RABGAP1L: variants seen among roughly 807,000 people sequenced by gnomAD.
RABGAP1L encodes RAB GTPase activating protein 1 like, also known as rab GTPase-activating protein 1-like.
In RABGAP1L, 63 loss-of-function variants were observed where a neutral mutation model predicts 137.7. The ratio of observed to expected loss-of-function variants is 0.46; its 90% CI spans 0.37 to 0.56. The LOEUF (loss-of-function observed/expected upper bound fraction) is 0.56. Ranked by LOEUF, RABGAP1L falls within the 20% of genes least tolerant of loss-of-function variation. RABGAP1L has a pLI of 0.00. For missense variants in RABGAP1L, 1,095 were observed against 1,244.0 expected (o/e 0.88, Z 1.80); for synonymous variants, 431 against 433.7 (o/e 0.99, Z 0.08).
At chr1:174,699,361 A>G (rs1260968712) in intron 15 of RABGAP1L, among the ~76,000 whole-genome samples, 164 bp from the exon 16 acceptor site, 3 of 152,188 alleles carry the variant, frequency 2.0e-5, no homozygotes, top group Non-Finnish European at 4.4e-5. Context: ...AATTCATCTC[A>G]AGTAAGGAGG....
intron 22 of RABGAP1L, among the ~76,000 whole-genome samples, chr1:174,978,224 T>C (rs891138172): frequency 6.6e-5 from 10 of 152,226 alleles, no homozygotes; most frequent in African/African-American, 2.4e-4. Context: ...TTTCAGTGAC[T>C]GTAACAGGTA....
In RABGAP1L at chr1:174,274,644, G is replaced by T. The variant is rs1431163229; in HGVS notation, c.1054-1189G>T. The stretch of plus-strand genomic sequence containing the variant: ...TGTGTGTGTGTGTGTGTGTGTAGAG[G>T]AGAGAAAGAGACCATTATCATATGA... On this transcript the variant is annotated intron_variant, in intron 8 of 25. Transcript: ENST00000681986. Among the ~76,000 whole-genome samples, 3 of 149,672 alleles carry T rather than the reference G, an allele frequency of 2.0e-5. No homozygotes were observed. In the East Asian group the frequency reaches 6.1e-4, roughly 30 times the overall value.
chr1:174,167,921 T>G (rs1665040365), intron 1 of RABGAP1L, among the ~76,000 whole-genome samples: 1 of 152,030 alleles, frequency 6.6e-6, no homozygotes, highest in Non-Finnish European at 1.5e-5. Flanking sequence ...GTTAGAATGG[T>G]TATTAGGTGT....
intron 13 of RABGAP1L, among the ~76,000 whole-genome samples, chr1:174,581,335 T>C (rs1410138333): frequency 1.3e-5 from 2 of 152,144 alleles, no homozygotes; most frequent in Non-Finnish European, 2.9e-5. Flanking sequence ...GTTATAGTCA[T>C]ATGAGGAATA....
At chr1:174,194,236 T>C (rs768149369) in intron 1 of RABGAP1L, among the ~76,000 whole-genome samples, 1 of 94,390 alleles carries the variant, frequency 1.1e-5, no homozygotes, top group Non-Finnish European at 1.8e-5. Flanking sequence ...CAGTTAATTC[T>C]TTTTTTTTTT....
intron 13 of RABGAP1L, among the ~76,000 whole-genome samples, chr1:174,437,481 G>A (rs1004187593): frequency 6.6e-5 from 10 of 152,118 alleles, no homozygotes; most frequent in South Asian, 2.1e-4. Context: ...GATGGAAGAC[G>A]AAATGAATAA....
chr1:174,326,482 G>A (rs993842071), intron 11 of RABGAP1L, among the ~76,000 whole-genome samples: 30 of 152,142 alleles, frequency 2.0e-4, no homozygotes, highest in African/African-American at 7.0e-4. Context: ...TCGAAGACAG[G>A]CTCTTCAAAA....
chr1:174,168,090 C>T (rs1424865548), intron 1 of RABGAP1L, among the ~76,000 whole-genome samples: 1 of 151,824 alleles, frequency 6.6e-6, no homozygotes, highest in Non-Finnish European at 1.5e-5. Context: ...GATGGTGAAA[C>T]CCCACCTCTG....
At chr1:174,888,049 A>T (rs1439844133) in intron 19 of RABGAP1L, among the ~76,000 whole-genome samples, 1 of 152,144 alleles carries the variant, frequency 6.6e-6, no homozygotes, top group Non-Finnish European at 1.5e-5. Context: ...AAGAAAAAAA[A>T]AATACGATTA....
In RABGAP1L at chr1:174,686,402, C is replaced by T. The variant is rs992160952; in HGVS notation, c.1899+2806C>T. Reference sequence around the variant, plus strand: ...TTCTCTACATCTCACCTTTTTGGGACTTCCTGTGATGACCAGTTACTTTAT... The same window carrying T: ...TTCTCTACATCTCACCTTTTTGGGATTTCCTGTGATGACCAGTTACTTTAT... On this transcript the variant is annotated intron_variant, in intron 15 of 25. Transcript: ENST00000681986. Among the ~76,000 whole-genome samples, 89 of 152,008 alleles carry T rather than the reference C, an allele frequency of 5.9e-4. 1 individual carries two copies. The highest frequency in any genetic ancestry group is 2.4e-4 in the Non-Finnish European group (16 of 68,016).
rs561984699 is a variant in RABGAP1L at position 174,895,900 on chromosome 1, CA to C, written c.2341-61556del. ...CTATTGTGAATAGTGCCACAGTAAACATATGTGTGCATGTGTCTTGATAGCA... is the reference window on the plus strand; with the variant it reads ...CTATTGTGAATAGTGCCACAGTAAACTATGTGTGCATGTGTCTTGATAGCA... On this transcript the variant is annotated intron_variant, in intron 19 of 25. Transcript: ENST00000681986. 3.3e-5 allele frequency among the ~76,000 whole-genome samples: 5 copies of C among 152,274 alleles called. No individual in the cohort carries two copies. In the South Asian group the frequency reaches 1.0e-3, roughly 32 times the overall value.
Position 174,902,035 on chromosome 1 carries a change from A to G in RABGAP1L, c.2341-55422A>G, listed in dbSNP as rs370884589. Among the ~76,000 whole-genome samples, 24 of 152,244 alleles carry G rather than the reference A, an allele frequency of 1.6e-4. 2 individuals carry two copies. Among genetic ancestry groups the G allele is most frequent in the African/African-American group, 5.3e-4 (22 of 41,538 alleles). The stretch of plus-strand genomic sequence containing the variant: ...ACCAGTGTAGGCTGAGAAAAAGCAA[A>G]GGTGGCAGCTAGCTCCTTCCACTGG... On this transcript the variant is annotated intron_variant, in intron 19 of 25. Transcript: ENST00000681986.
intron 7 of RABGAP1L, among the ~76,000 whole-genome samples, chr1:174,266,490 A>C (rs1179330129): frequency 6.6e-6 from 1 of 152,170 alleles, no homozygotes; most frequent in Non-Finnish European, 1.5e-5. Flanking sequence ...TATGGTATAC[A>C]TTATTTTCTC....
intron 21 of RABGAP1L, among the ~76,000 whole-genome samples, chr1:174,974,421 GTTTA>G (rs1240690804): frequency 6.6e-6 from 1 of 152,070 alleles, no homozygotes; most frequent in African/African-American, 2.4e-5. Context: ...TGCTTCCATG[GTTTA>G]TTTATTTTTC....
At chr1:174,744,268 A>C (rs969875800) in intron 17 of RABGAP1L, among the ~76,000 whole-genome samples, 1 of 152,182 alleles carries the variant, frequency 6.6e-6, no homozygotes, top group Non-Finnish European at 1.5e-5. Context: ...TGAGAAGCAG[A>C]ATAAAGTAAA....
intron 17 of RABGAP1L, among the ~76,000 whole-genome samples, chr1:174,703,651 T>C (rs550748158): frequency 1.3e-5 from 2 of 152,326 alleles, no homozygotes; most frequent in Non-Finnish European, 2.9e-5. Flanking sequence ...TTTAATTCTT[T>C]GAGAAATTTC....
Position 174,651,369 on chromosome 1 carries a change from A to G in RABGAP1L, c.1824+13881A>G, listed in dbSNP as rs542819230. 1.1e-3 allele frequency among the ~76,000 whole-genome samples: 173 copies of G among 152,314 alleles called. 1 individual carries two copies. The South Asian group carries it at 0.013, about 11-fold the overall frequency. On this transcript the variant is annotated intron_variant, in intron 14 of 25. Transcript: ENST00000681986. ...ATTAGGTCTGCTTGGTGCAGAGCTC[A>G]GTTCAATTCCCAGGTATCCTTGTTA...
intron 19 of RABGAP1L, among the ~76,000 whole-genome samples, chr1:174,891,227 G>A (rs892744894): frequency 6.6e-6 from 1 of 152,170 alleles, no homozygotes. Context: ...TGAGAGGCAC[G>A]GGATAGAAAG....
intron 17 of RABGAP1L, among the ~76,000 whole-genome samples, chr1:174,744,098 A>AG (rs1683678571): frequency 6.7e-6 from 1 of 148,288 alleles, no homozygotes; most frequent in Non-Finnish European, 1.5e-5. Flanking sequence ...CGTAAAAAAA[A>AG]AAAAAAAAAA....
Sources: gnomAD v4.1 joint callset for allele counts (sites outside exome capture counted in the v4.1 genomes callset) on GRCh38, gnomAD v4.1.1 for gene constraint, MANE v1.5 for transcripts, NCBI Gene and HGNC (gene_info 2026-07-23, HGNC 2026-07-21) for gene names.